The following CLASP1 variants were observed in gnomAD, a reference collection of about 807,000 sequenced individuals.
The protein encoded by CLASP1 is CLIP-associating protein 1.
CLASP1 carries 38 observed loss-of-function variants against 192.3 expected under a neutral mutation model. That is an observed-to-expected ratio of 0.20 (90% CI 0.15 to 0.26). CLASP1 has a LOEUF of 0.26. Ranked by LOEUF, CLASP1 falls within the 10% of genes least tolerant of loss-of-function variation. CLASP1 has a pLI of 1.00. For synonymous variants in CLASP1, 691 were observed against 712.8 expected (o/e 0.97, Z 0.49); for missense variants, 1,433 against 1,932.5 (o/e 0.74, Z 4.85).
At chr2:121,418,206 T>C (rs1559110845) in intron 23 of CLASP1, among the ~76,000 whole-genome samples, 2 of 152,248 alleles carry the variant, frequency 1.3e-5, no homozygotes, top group Non-Finnish European at 2.9e-5. Context: ...TTTTGTTCCT[T>C]CTTTGAATTA....
intron 2 of CLASP1, among the ~76,000 whole-genome samples, chr2:121,574,977 ATCT>A (rs2060358275): frequency 6.6e-6 from 1 of 152,054 alleles, no homozygotes; most frequent in Non-Finnish European, 1.5e-5. Flanking sequence ...GAGATTTTAA[ATCT>A]TCTCACCATA....
intron 9 of CLASP1, among the ~76,000 whole-genome samples, chr2:121,466,442 T>G (rs530576545): frequency 6.6e-6 from 1 of 152,270 alleles, no homozygotes; most frequent in South Asian, 2.1e-4. Context: ...GGAGACAGCA[T>G]TTTAATGCTA....
intron 30 of CLASP1, among the ~76,000 whole-genome samples, chr2:121,391,505 G>A (rs1466601372): frequency 2.0e-5 from 3 of 152,216 alleles, no homozygotes; most frequent in African/African-American, 7.2e-5. Context: ...AATAACATTA[G>A]CTGTCAGTTT....
At chr2:121,565,300 G>A (rs1324598583) in intron 2 of CLASP1, among the ~76,000 whole-genome samples, 1 of 152,150 alleles carries the variant, frequency 6.6e-6, no homozygotes, top group Non-Finnish European at 1.5e-5. Flanking sequence ...AGACCAAGGA[G>A]GGTCTCAGTA....
At chr2:121,525,638 T>C (rs1021354099) in intron 6 of CLASP1, among the ~76,000 whole-genome samples, 4 of 152,136 alleles carry the variant, frequency 2.6e-5, no homozygotes, top group African/African-American at 9.7e-5. Flanking sequence ...GCCACCACAT[T>C]TACCAATTTT....
At chr2:121,611,598 G>A (rs551722009) in intron 1 of CLASP1, among the ~76,000 whole-genome samples, 17 of 132,874 alleles carry the variant, frequency 1.3e-4, no homozygotes, top group East Asian at 2.4e-4. Flanking sequence ...TGGAGGAGGA[G>A]GAGTTGGAGG....
intron 2 of CLASP1, among the ~76,000 whole-genome samples, chr2:121,532,120 T>G (rs1415109952): frequency 6.6e-6 from 1 of 152,230 alleles, no homozygotes; most frequent in African/African-American, 2.4e-5. Context: ...TGCAGACTTT[T>G]CTATTCAGCT....
At chr2:121,445,103 C>T (rs1250728875) in intron 19 of CLASP1, 9 of 450,740 alleles carry the variant, frequency 2.0e-5, no homozygotes, top group Non-Finnish European at 3.0e-5. Flanking sequence ...ACAAGTTCAA[C>T]AGCAAAGCAG....
chr2:121,363,244 T>G (rs750843630), exon 37 of CLASP1: 4 of 1,613,986 alleles, frequency 2.5e-6, no homozygotes, highest in Non-Finnish European at 3.4e-6. Flanking sequence ...TAAATCTTGC[T>G]GGTTGATTTC....
At chr2:121,464,076 A>G (rs2088825137) in intron 9 of CLASP1, among the ~76,000 whole-genome samples, 1 of 140,640 alleles carries the variant, frequency 7.1e-6, no homozygotes, top group South Asian at 2.3e-4. Context: ...ATTCCCACCT[A>G]TGAGTGAGCA....
intron 7 of CLASP1, among the ~76,000 whole-genome samples, chr2:121,513,348 G>C (rs1248332269): frequency 6.6e-6 from 1 of 152,168 alleles, no homozygotes; most frequent in African/African-American, 2.4e-5. Flanking sequence ...AGAATTTGTA[G>C]GAGGATTTTA....
At chr2:121,346,568 A>G (rs2063489663) in intron 39 of CLASP1, among the ~76,000 whole-genome samples, 3 of 152,366 alleles carry the variant, frequency 2.0e-5, no homozygotes, top group Admixed American at 6.5e-5. Context: ...GGGGATGACC[A>G]TGCCCACAGG....
chr2:121,405,137 T>C (rs1459391922), intron 25 of CLASP1, among the ~76,000 whole-genome samples: 4 of 151,922 alleles, frequency 2.6e-5, no homozygotes, highest in African/African-American at 9.7e-5. Flanking sequence ...GGTGAAACCC[T>C]GTCCCTACTA....
chr2:121,611,428 G>A (rs560503225), intron 1 of CLASP1, among the ~76,000 whole-genome samples: 1 of 144,344 alleles, frequency 6.9e-6, no homozygotes, highest in South Asian at 2.3e-4. Flanking sequence ...GGAGAAAGAG[G>A]AACTGGAGGA....
chr2:121,391,114 G>A (rs1574223517), intron 30 of CLASP1, among the ~76,000 whole-genome samples: 2 of 152,016 alleles, frequency 1.3e-5, no homozygotes, highest in African/African-American at 2.4e-5. Flanking sequence ...ACATACACAC[G>A]CTCATATATT....
chr2:121,606,778 G>A (rs1342441649), intron 1 of CLASP1, among the ~76,000 whole-genome samples: 1 of 152,180 alleles, frequency 6.6e-6, no homozygotes, highest in Non-Finnish European at 1.5e-5. Context: ...GAGAAAGGAG[G>A]TGGGCGCAGT....
chr2:121,462,639 T>C (rs371025808), intron 9 of CLASP1, 34 bp from the exon 10 acceptor site: 273 of 1,277,520 alleles, frequency 2.1e-4, no homozygotes, highest in Middle Eastern at 1.9e-4. Flanking sequence ...GTAAACAATA[T>C]GAAACAACGT....
At chr2:121,477,925 C>T (rs1279812829) in intron 8 of CLASP1, among the ~76,000 whole-genome samples, 1 of 152,182 alleles carries the variant, frequency 6.6e-6, no homozygotes, top group Admixed American at 6.5e-5. Flanking sequence ...AAAGCAATTC[C>T]CATAAGCTGA....
At position 121,424,993 on chromosome 2, in the gene CLASP1, A is replaced by T; in HGVS notation, c.2212+146T>A. The T allele has an allele frequency of 1.2e-5, 9 of 727,440 alleles. No individual in the cohort carries two copies. In the South Asian group the frequency reaches 2.0e-4, roughly 16 times the overall value. 45.1% of individuals were successfully genotyped at this position (727,440 alleles called of 1,614,324 possible). A position where few individuals can be genotyped will look rare whatever the true frequency, so the allele number is the denominator to read the frequency against. ...TCTAACTGAAACCTCAATATGCCAT[A>T]ATCTGTATAAAGCACACCCAGGCAA... On this transcript the variant is annotated intron_variant, in intron 22 of 39. Coordinates refer to ENST00000263710, the Ensembl canonical transcript of CLASP1.
Sources: gnomAD v4.1 joint callset for allele counts (sites outside exome capture counted in the v4.1 genomes callset) on GRCh38, gnomAD v4.1.1 for gene constraint, MANE v1.5 for transcripts, NCBI Gene and HGNC (gene_info 2026-07-23, HGNC 2026-07-21) for gene names.